STUM: variants seen among roughly 807,000 people sequenced by gnomAD.
STUM encodes the protein stum, mechanosensory transduction mediator homolog.
In STUM, 8 loss-of-function variants were observed where a neutral mutation model predicts 15.3. The observed-to-expected ratio is 0.52, with a 90% CI of 0.31 to 0.94. The LOEUF is 0.94. Among genes scored for constraint, STUM ranks in the 40% least tolerant of loss-of-function variants. The pLI, the probability that STUM is intolerant of heterozygous loss-of-function variation, is 0.05. For missense variants in STUM, 142 were observed against 204.9 expected (o/e 0.69, Z 1.87); for synonymous variants, 78 against 88.7 (o/e 0.88, Z 0.68).
Position 226,601,128 on chromosome 1 carries a change from T to TC in STUM, c.391+454_391+455insC, listed in dbSNP as rs371256372. 3.2e-3 allele frequency among the ~76,000 whole-genome samples: 488 copies of TC among 152,146 alleles called. 5 individuals are homozygous for TC. The highest frequency in any genetic ancestry group is 0.011 in the African/African-American group (464 of 41,490). ...ATATTTCAGTAGGTATCGTTTTTTT[T>TC]TTCTTCTTCTTCTTTTGAGACAGAG... On this transcript the variant is annotated intron_variant, in intron 3 of 3. Transcript: ENST00000366788.
Position 226,565,943 on chromosome 1 carries a change from C to T in STUM, c.202+16837C>T, listed in dbSNP as rs1167736970. ...CATTGCTTGTGCCTGGGCTTACCAG[C>T]GATTCCTCCTTACTCTTTCTGTGAT... is the stretch of plus-strand genomic sequence containing the variant. On this transcript the variant is annotated intron_variant, in intron 1 of 3. Transcript: ENST00000366788. The surrounding 1 kb of genome is among the most constrained non-coding windows in gnomAD (Gnocchi z 4.4). 6.6e-6 allele frequency among the ~76,000 whole-genome samples: 1 copy of T among 152,206 alleles called. No individual in the cohort carries two copies.
chr1:226,600,784 A>G lies in STUM; in HGVS notation c.391+110A>G, dbSNP rs974321192. The G allele has an allele frequency of 8.4e-7, 1 of 1,185,238 alleles. No homozygotes were observed. The highest frequency in any genetic ancestry group is 1.5e-5 in the African/African-American group (1 of 66,512). 73.4% of individuals were successfully genotyped at this position (1,185,238 alleles called of 1,614,324 possible). A position where few individuals can be genotyped will look rare whatever the true frequency, so the allele number is the denominator to read the frequency against. On this transcript the variant is annotated intron_variant, in intron 3 of 3. Coordinates refer to ENST00000366788, the MANE Select transcript of STUM (RefSeq NM_001003665.4). The surrounding 1 kb of genome is among the most constrained non-coding windows in gnomAD (Gnocchi z 5.2). ...ACCCCACCCACTCTCCCAGTGGGTCAATGGGCTTTTATGTTTAGCTTGAAC... is the reference window on the plus strand; with the variant it reads ...ACCCCACCCACTCTCCCAGTGGGTCGATGGGCTTTTATGTTTAGCTTGAAC...
intron 1 of STUM, among the ~76,000 whole-genome samples, chr1:226,568,801 C>T (rs137927126): frequency 1.2e-4 from 18 of 152,392 alleles, no homozygotes; most frequent in Non-Finnish European, 2.2e-4. Flanking sequence ...CTCTGGAGGA[C>T]ACCTCATTGC....
intron 1 of STUM, among the ~76,000 whole-genome samples, chr1:226,582,595 CA>C (rs11336086): frequency 0.69 from 96,698 of 139,982 alleles, 32,503 homozygotes; most frequent in South Asian, 0.77. Flanking sequence ...CATGCCATCT[CA>C]AAAAAAAAAA....
At chr1:226,594,262 C>T (rs1668135996) in intron 1 of STUM, among the ~76,000 whole-genome samples, 1 of 152,112 alleles carries the variant, frequency 6.6e-6, no homozygotes, top group African/African-American at 2.4e-5. Flanking sequence ...CATCCTGGGA[C>T]CTCACACTGG....
chr1:226,571,937 G>A (rs888887423), intron 1 of STUM, among the ~76,000 whole-genome samples: 7 of 152,092 alleles, frequency 4.6e-5, no homozygotes, highest in Non-Finnish European at 7.4e-5. Context: ...CACCACACCC[G>A]GCCCCTTTTC....
chr1:226,574,656 G>T (rs996450657), intron 1 of STUM, among the ~76,000 whole-genome samples: 1 of 152,206 alleles, frequency 6.6e-6, no homozygotes, highest in Admixed American at 6.5e-5. Flanking sequence ...GAAGCTATGC[G>T]CACTGTTTCC....
At chr1:226,566,856 A>T (rs1667634344) in intron 1 of STUM, among the ~76,000 whole-genome samples, 1 of 152,148 alleles carries the variant, frequency 6.6e-6, no homozygotes, top group African/African-American at 2.4e-5. Context: ...TACTTGTGAG[A>T]CCTTTACAGT....
Position 226,549,230 on chromosome 1 carries a change from C to T in STUM, c.202+124C>T. The T allele has an allele frequency of 1.3e-6, 1 of 787,988 alleles. No homozygotes were observed. The highest frequency in any genetic ancestry group is 3.2e-5 in the East Asian group (1 of 30,972). 48.8% of individuals were successfully genotyped at this position (787,988 alleles called of 1,614,324 possible). A position where few individuals can be genotyped will look rare whatever the true frequency, so the allele number is the denominator to read the frequency against. On this transcript the variant is annotated intron_variant, in intron 1 of 3. Transcript: ENST00000366788. This position sits in a 1 kb window ranked among gnomAD's most constrained non-coding sequence, Gnocchi z 6.8. ...GCGCTCCAAGTGCTGCGACCACGCGCCACCGCCCGCTCCTGGCGTCCCCGG... is the reference window on the plus strand; with the variant it reads ...GCGCTCCAAGTGCTGCGACCACGCGTCACCGCCCGCTCCTGGCGTCCCCGG...
rs766158260 is a variant in STUM, at chr1:226,596,836, G to C, written c.237G>C (p.Gly79=). 6.2e-7 allele frequency: 1 copy of C among 1,614,204 alleles called. No homozygotes were observed. Among genetic ancestry groups the C allele is most frequent in the South Asian group, 1.1e-5 (1 of 91,090 alleles). ...TCTCGGCCTTCACTGTGCTGTGCGGGGCCCGCACCGACCTCCCGGACAGGC... is the reference window on the plus strand; with the variant it reads ...TCTCGGCCTTCACTGTGCTGTGCGGCGCCCGCACCGACCTCCCGGACAGGC... ...TFVSAFTVLC[G]ARTDLPDRHV... is the part of the protein sequence containing the mutation. Residue 79 remains glycine, a synonymous_variant, in exon 2 of 4, where the codon GGG becomes GGC. Transcript: ENST00000366788.
chr1:226,582,578 A>G (rs1216567433), intron 1 of STUM, among the ~76,000 whole-genome samples: 1 of 142,866 alleles, frequency 7.0e-6, no homozygotes, highest in Admixed American at 7.2e-5. Flanking sequence ...CTGAGCAACA[A>G]GAGCAACATG....
rs1668252301 is a variant in STUM at position 226,600,876 on chromosome 1, C to T, written c.391+202C>T. 6.6e-6 allele frequency among the ~76,000 whole-genome samples: 1 copy of T among 152,164 alleles called. No individual in the cohort carries two copies. On this transcript the variant is annotated intron_variant, in intron 3 of 3. Transcript: ENST00000366788. This position sits in a 1 kb window ranked among gnomAD's most constrained non-coding sequence, Gnocchi z 5.2. Reference sequence around the variant, plus strand: ...CCCTAGTAAAATGAGGCCCTAATGCCCACACCAGCCTCAACTGCTATCAAT... The same window carrying T: ...CCCTAGTAAAATGAGGCCCTAATGCTCACACCAGCCTCAACTGCTATCAAT...
At chr1:226,575,334 C>T (rs1296713746) in intron 1 of STUM, among the ~76,000 whole-genome samples, 1 of 152,274 alleles carries the variant, frequency 6.6e-6, no homozygotes, top group Non-Finnish European at 1.5e-5. Flanking sequence ...AGAAAAGTGA[C>T]TTCTCACCCG....
Position 226,606,567 on chromosome 1 carries a change from A to G in STUM, c.*4527A>G, listed in dbSNP as rs1011767428. On this transcript the variant is annotated 3_prime_UTR_variant, in exon 4 of 4. Transcript: ENST00000366788. Reference sequence around the variant, plus strand: ...GTGGCTGAAGGCAGAGTTTACTGTTATCCCTCCCTCTTGCTGGCTTTGCTG... The same window carrying G: ...GTGGCTGAAGGCAGAGTTTACTGTTGTCCCTCCCTCTTGCTGGCTTTGCTG... The G allele has an allele frequency of 6.6e-6, 1 of 152,208 alleles. No homozygotes were observed. The highest frequency in any genetic ancestry group is 2.4e-5 in the African/African-American group (1 of 41,444). 9.4% of individuals were successfully genotyped at this position (152,208 alleles called of 1,614,324 possible).
At chr1:226,569,775 C>G (rs1362627166) in intron 1 of STUM, among the ~76,000 whole-genome samples, 3 of 152,178 alleles carry the variant, frequency 2.0e-5, no homozygotes, top group African/African-American at 7.2e-5. Context: ...TGTGGCCTGC[C>G]TGCGTGACCC....
Position 226,603,057 on chromosome 1 carries a change from C to T in STUM, c.*1017C>T, listed in dbSNP as rs946730347. On this transcript the variant is annotated 3_prime_UTR_variant, in exon 4 of 4. Transcript: ENST00000366788. ...TGGGAGCTATACAAACTGTAAATAG[C>T]CTCACCTCAGTTCAGTCTAATTTTG... 1 of 152,108 alleles carries T rather than the reference C, an allele frequency of 6.6e-6. No individual in the cohort carries two copies. Among genetic ancestry groups the T allele is most frequent in the African/African-American group, 2.4e-5 (1 of 41,408 alleles). 9.4% of individuals were successfully genotyped at this position (152,108 alleles called of 1,614,324 possible). A position where few individuals can be genotyped will look rare whatever the true frequency, so the allele number is the denominator to read the frequency against.
chr1:226,568,839 C>T (rs1333695677), intron 1 of STUM, among the ~76,000 whole-genome samples: 1 of 152,228 alleles, frequency 6.6e-6, no homozygotes, highest in East Asian at 1.9e-4. Context: ...CTCCTGGTGC[C>T]AGGAATGAGG....
At chr1:226,559,366 A>G (rs1667500429) in intron 1 of STUM, among the ~76,000 whole-genome samples, 1 of 152,194 alleles carries the variant, frequency 6.6e-6, no homozygotes, top group South Asian at 2.1e-4. Context: ...GGAAGAAAGG[A>G]GGCCTCCTAC....
rs762420814 is a variant in STUM at position 226,548,932 on chromosome 1, ACGGCGGCGGCGGCGGCGGCGGTGG to A, written c.38_61del (p.Ala13_Ala20del). On this transcript the variant is annotated inframe_deletion, in exon 1 of 4. Transcript: ENST00000366788. ...GGAGCCCTCGCACAAAGACGCCGAGACGGCGGCGGCGGCGGCGGCGGTGGCGGCGGCGGACCCCCGGGGGGCGTC... is the reference window on the plus strand; with the variant it reads ...GGAGCCCTCGCACAAAGACGCCGAGACGGCGGCGGACCCCCGGGGGGCGTC... 59 of 1,443,468 alleles carry A rather than the reference ACGGCGGCGGCGGCGGCGGCGGTGG, an allele frequency of 4.1e-5. No homozygotes were observed. The Admixed American group carries it at 7.1e-4, about 17-fold the overall frequency. 89.4% of individuals were successfully genotyped at this position (1,443,468 alleles called of 1,614,324 possible).
Sources: allele counts gnomAD v4.1 joint callset (sites outside exome capture counted in the v4.1 genomes callset), GRCh38; gene constraint gnomAD v4.1.1; non-coding constraint Gnocchi (gnomAD v3.1); transcripts MANE v1.5; gene names NCBI Gene and HGNC (gene_info 2026-07-23, HGNC 2026-07-21).